The following SEL1L2 variants were observed in gnomAD, a reference collection of about 807,000 sequenced individuals.
SEL1L2 encodes the protein protein sel-1 homolog 2.
A neutral mutation model predicts 98.8 loss-of-function variants in SEL1L2; 89 were observed. That is an observed-to-expected ratio of 0.90 (90% CI 0.76 to 1.07). The LOEUF (loss-of-function observed/expected upper bound fraction) is 1.07. SEL1L2 is among the 50% of genes least tolerant of loss of function. The probability of loss-of-function intolerance (pLI) is 0.00; values close to 1 mark genes in which losing one functional copy is unlikely to be tolerated. For missense variants in SEL1L2, 788 were observed against 812.0 expected (o/e 0.97, Z 0.36); for synonymous variants, 262 against 278.5 (o/e 0.94, Z 0.59).
At chr20:13,895,432 A>G (rs1376856689) in intron 5 of SEL1L2, among the ~76,000 whole-genome samples, 1 of 144,128 alleles carries the variant, frequency 6.9e-6, no homozygotes, top group East Asian at 2.1e-4. Context: ...TGGGAAATAG[A>G]GCCAGATCTT....
intron 5 of SEL1L2, among the ~76,000 whole-genome samples, chr20:13,909,085 ATT>A (rs1293976694): frequency 6.6e-6 from 1 of 151,962 alleles, no homozygotes; most frequent in Non-Finnish European, 1.5e-5. Context: ...AGATGTCTTC[ATT>A]CTCTCTTCTC....
At chr20:13,964,163 T>G (rs1600950158) in intron 1 of SEL1L2, among the ~76,000 whole-genome samples, 1 of 152,018 alleles carries the variant, frequency 6.6e-6, no homozygotes, top group Non-Finnish European at 1.5e-5. Flanking sequence ...CATGAGCCAC[T>G]GCACCCGGCC....
intron 3 of SEL1L2, among the ~76,000 whole-genome samples, chr20:13,923,681 C>T (rs1384321833): frequency 1.3e-5 from 2 of 152,126 alleles, no homozygotes; most frequent in Non-Finnish European, 2.9e-5. Context: ...TTGAACCCGG[C>T]AGGTGGAGTT....
chr20:13,957,222 T>C (rs1398198573), intron 1 of SEL1L2, among the ~76,000 whole-genome samples: 3 of 152,020 alleles, frequency 2.0e-5, no homozygotes, highest in Non-Finnish European at 2.9e-5. Context: ...TGCCTCAGCC[T>C]CCCAAGTAGC....
At chr20:13,938,089 T>C (rs1427330798) in intron 2 of SEL1L2, among the ~76,000 whole-genome samples, 2 of 151,576 alleles carry the variant, frequency 1.3e-5, no homozygotes, top group African/African-American at 4.8e-5. Context: ...TTTTCTTTTT[T>C]TTTTTTTTTG....
At chr20:13,927,149 G>A (rs1417170981) in intron 3 of SEL1L2, among the ~76,000 whole-genome samples, 1 of 152,214 alleles carries the variant, frequency 6.6e-6, no homozygotes, top group African/African-American at 2.4e-5. Context: ...GGATGGGAAA[G>A]CATCATGTTC....
intron 2 of SEL1L2, among the ~76,000 whole-genome samples, chr20:13,941,003 A>G (rs2049751383): frequency 6.6e-6 from 1 of 152,216 alleles, no homozygotes. Flanking sequence ...ATGGAGATAA[A>G]TTATATGGGC....
At chr20:13,920,452 A>G (rs867604967) in intron 3 of SEL1L2, among the ~76,000 whole-genome samples, 23 of 152,162 alleles carry the variant, frequency 1.5e-4, no homozygotes, top group Admixed American at 7.9e-4. Flanking sequence ...ATTTTTAAAA[A>G]ATCATCACCA....
chr20:13,954,882 A>C (rs993732099), intron 2 of SEL1L2, among the ~76,000 whole-genome samples: 3 of 152,198 alleles, frequency 2.0e-5, no homozygotes, highest in Admixed American at 6.5e-5. Flanking sequence ...ATTTAGGTGA[A>C]GCTCACATCT....
At chr20:13,872,254 G>T (rs776405409) in intron 12 of SEL1L2, among the ~76,000 whole-genome samples, 1 of 149,290 alleles carries the variant, frequency 6.7e-6, no homozygotes, top group Admixed American at 6.6e-5. Flanking sequence ...GCCTTGTTTA[G>T]ATGTCATCTT....
At chr20:13,860,282 CT>C in intron 17 of SEL1L2, among the ~76,000 whole-genome samples, 1 of 152,292 alleles carries the variant, frequency 6.6e-6, no homozygotes, top group Non-Finnish European at 1.5e-5. Context: ...TACACTGAAC[CT>C]TTTCAAAAGT....
rs771917871 is a variant in SEL1L2 at position 13,850,275 on chromosome 20, C to A, written c.1863G>T (p.Thr621=). 6.2e-7 allele frequency: 1 copy of A among 1,614,026 alleles called. No individual in the cohort carries two copies. Among genetic ancestry groups the A allele is most frequent in the Admixed American group, 1.7e-5 (1 of 60,016 alleles). ...ARRLYDMAAQ[T]SPDAHIPVLF... ...GCACAGGTATGTGGGCATCTGGACT[C>A]GTTTGAGCAGCCATGTCGTACAATC... The change falls in exon 19 of 20, where the codon ACG becomes ACT. Residue 621 remains threonine, a synonymous_variant. Coordinates refer to ENST00000284951, the MANE Select transcript of SEL1L2 (RefSeq NM_025229.2).
chr20:13,913,491 A>T, intron 5 of SEL1L2: 1 of 233,670 alleles, frequency 4.3e-6, no homozygotes. Flanking sequence ...CATTTAGCTT[A>T]TAAAATATTT....
intron 1 of SEL1L2, among the ~76,000 whole-genome samples, chr20:13,966,879 CT>C (rs35292120): frequency 0.26 from 26,657 of 102,942 alleles, 1,402 homozygotes; most frequent in African/African-American, 0.34. Flanking sequence ...AGAGACCTGT[CT>C]TTTTTTTTTT....
intron 3 of SEL1L2, among the ~76,000 whole-genome samples, chr20:13,929,106 G>A (rs939286425): frequency 1.3e-5 from 2 of 152,066 alleles, no homozygotes; most frequent in African/African-American, 2.4e-5. Context: ...AAAAAATTCC[G>A]CCTGTGGATA....
chr20:13,941,843 T>C (rs1600848029), intron 2 of SEL1L2, among the ~76,000 whole-genome samples: 1 of 152,158 alleles, frequency 6.6e-6, no homozygotes, highest in South Asian at 2.1e-4. Flanking sequence ...GATAGATAGG[T>C]GGGAAGTAAA....
chr20:13,991,301 C>T (rs1048919044), upstream of SEL1L2, among the ~76,000 whole-genome samples: 1 of 152,190 alleles, frequency 6.6e-6, no homozygotes, highest in African/African-American at 2.4e-5. Context: ...TAGAAATAGA[C>T]ATTTTATTGT....
At chr20:13,961,537 G>T (rs1271997343) in intron 1 of SEL1L2, among the ~76,000 whole-genome samples, 1 of 152,176 alleles carries the variant, frequency 6.6e-6, no homozygotes, top group Non-Finnish European at 1.5e-5. Flanking sequence ...TTTTAAAAGT[G>T]TTGTGTTGAA....
rs2046086201 is a variant in SEL1L2 at position 13,869,558 on chromosome 20, T to C, written c.1200A>G (p.Lys400=). ...CGTCGGGCCACCCTTTTTCCGCAGC[T>C]TTCTGAAAGTATTTAAGTGCTTCGG... ...NYAEALKYFQ[K]AAEKGWPDAQ... Residue 400 remains lysine, a synonymous_variant, in exon 14 of 20, where the codon AAA becomes AAG. Coordinates refer to ENST00000284951, the MANE Select transcript of SEL1L2 (RefSeq NM_025229.2). The C allele has an allele frequency of 6.2e-7, 1 of 1,614,162 alleles. No individual in the cohort carries two copies.
Sources: gnomAD v4.1 joint callset for allele counts (sites outside exome capture counted in the v4.1 genomes callset) on GRCh38, gnomAD v4.1.1 for gene constraint, MANE v1.5 for transcripts, NCBI Gene and HGNC (gene_info 2026-07-23, HGNC 2026-07-21) for gene names.